The following HRH1 variants were observed in gnomAD, a reference collection of about 807,000 sequenced individuals.
HRH1 encodes the protein histamine H1 receptor.
Under a neutral mutation model 10.3 loss-of-function variants are expected in HRH1, and 6 were observed. The ratio of observed to expected loss-of-function variants is 0.58; its 90% CI spans 0.32 to 1.15. HRH1 has a LOEUF of 1.15. Ranked by LOEUF, HRH1 falls within the 50% of genes most tolerant of loss-of-function variation. The probability of loss-of-function intolerance (pLI) is 0.05; values close to 1 mark genes in which losing one functional copy is unlikely to be tolerated. For missense variants in HRH1, 514 were observed against 615.3 expected (o/e 0.84, Z 1.74); for synonymous variants, 242 against 236.7 (o/e 1.02, Z -0.21).
At chr3:11,144,810 G>A (rs976196499) in intron 1 of HRH1, among the ~76,000 whole-genome samples, 16 of 152,102 alleles carry the variant, frequency 1.1e-4, no homozygotes, top group African/African-American at 3.9e-4. Flanking sequence ...GGCAGAGGTT[G>A]CAGTGAGCCG....
chr3:11,207,492 C>T (rs1198430142), intron 1 of HRH1, among the ~76,000 whole-genome samples: 1 of 152,070 alleles, frequency 6.6e-6, no homozygotes, highest in Non-Finnish European at 1.5e-5. Flanking sequence ...TGGCGTGAAC[C>T]TGGGAGGCGG....
At position 11,233,227 on chromosome 3, in the gene HRH1, A is replaced by T. The variant is rs1186890379; in HGVS notation, c.-35-25776A>T. On this transcript the variant is annotated intron_variant, in intron 1 of 1. Coordinates refer to ENST00000431010, the MANE Select transcript of HRH1 (RefSeq NM_001098212.2). ...TTTCTCATCTCCTTCTGGGACTATG[A>T]TTATATGAATGTTAGATCTTTTGTT... 1.3e-5 allele frequency among the ~76,000 whole-genome samples: 2 copies of T among 152,108 alleles called. 1 individual carries two copies. Among genetic ancestry groups the T allele is most frequent in the Admixed American group, 1.3e-4 (2 of 15,266 alleles).
chr3:11,170,330 C>A (rs936171085), intron 1 of HRH1, among the ~76,000 whole-genome samples: 5 of 152,242 alleles, frequency 3.3e-5, no homozygotes, highest in Admixed American at 2.6e-4. Flanking sequence ...TAAGTCGTTT[C>A]TCTTAGAGAT....
chr3:11,259,956 A>G lies in HRH1; in HGVS notation c.919A>G (p.Ile307Val), dbSNP rs755092707. The G allele has an allele frequency of 1.2e-6, 2 of 1,614,108 alleles. No individual in the cohort carries two copies. Among genetic ancestry groups the G allele is most frequent in the East Asian group, 4.5e-5 (2 of 44,902 alleles). ...CAAACTCTACTGCTTTCCACTTGAT[A>G]TTGTGCACATGCAGGCTGCGGCAGA... ...VDKLYCFPLDIVHMQAAAEGS... is the reference protein window; with the variant it reads ...VDKLYCFPLDVVHMQAAAEGS... The change falls in exon 2 of 2, where the codon ATT (isoleucine) becomes GTT (valine). Residue 307 changes from isoleucine to valine, a missense_variant. By Grantham distance (29) the Ile-to-Val change is conservative. Coordinates refer to ENST00000431010, the MANE Select transcript of HRH1 (RefSeq NM_001098212.2). The surrounding 1 kb of genome is among the most constrained non-coding windows in gnomAD (Gnocchi z 4.6).
At chr3:11,148,878 A>C (rs1936529787) in intron 1 of HRH1, among the ~76,000 whole-genome samples, 1 of 108,628 alleles carries the variant, frequency 9.2e-6, no homozygotes, top group South Asian at 3.0e-4. Context: ...TCACATCATT[A>C]TTTTAGCACT....
chr3:11,234,943 C>T (rs1249298535), intron 1 of HRH1, among the ~76,000 whole-genome samples: 1 of 152,070 alleles, frequency 6.6e-6, no homozygotes, highest in East Asian at 1.9e-4. Flanking sequence ...TGGCCGGGTA[C>T]GGTGGCTCAC....
At chr3:11,224,969 G>A (rs908920838) in intron 1 of HRH1, among the ~76,000 whole-genome samples, 12 of 152,106 alleles carry the variant, frequency 7.9e-5, no homozygotes, top group African/African-American at 2.2e-4. Context: ...CTCTTCAAAG[G>A]CTCTACCCAG....
At chr3:11,188,803 A>G (rs1387353845) in intron 1 of HRH1, among the ~76,000 whole-genome samples, 1 of 152,238 alleles carries the variant, frequency 6.6e-6, no homozygotes, top group East Asian at 1.9e-4. Context: ...TAGAGGATAT[A>G]AAACCAAGAC....
chr3:11,140,543 C>G (rs1471481443), intron 1 of HRH1, among the ~76,000 whole-genome samples: 6 of 152,116 alleles, frequency 3.9e-5, no homozygotes, highest in Non-Finnish European at 8.8e-5. Context: ...CCTCTCAAAC[C>G]CTCCCAGGCA....
At chr3:11,170,299 A>G (rs934100553) in intron 1 of HRH1, among the ~76,000 whole-genome samples, 2 of 152,238 alleles carry the variant, frequency 1.3e-5, no homozygotes, top group African/African-American at 2.4e-5. Context: ...GCAAACCACA[A>G]ACATGCTTTG....
chr3:11,230,262 A>G (rs1939004972), intron 1 of HRH1, among the ~76,000 whole-genome samples: 1 of 152,212 alleles, frequency 6.6e-6, no homozygotes, highest in Non-Finnish European at 1.5e-5. Context: ...CGTGAAGACA[A>G]GAACTTTAAA....
At chr3:11,248,673 A>G (rs983942586) in intron 1 of HRH1, among the ~76,000 whole-genome samples, 1 of 152,252 alleles carries the variant, frequency 6.6e-6, no homozygotes, top group Admixed American at 6.5e-5. Flanking sequence ...TAGGTCTCCA[A>G]GGAATGCTAA....
chr3:11,259,320 C>T lies in HRH1; in HGVS notation c.283C>T (p.Leu95=). ...ILYLLMSKWS[L]GRPLCLFWLS... ...CTACCTGCTCATGTCCAAGTGGTCA[C>T]TGGGCCGTCCTCTCTGCCTCTTTTG... Residue 95 remains leucine (L), a synonymous_variant, in exon 2 of 2, where the codon CTG becomes TTG. Coordinates refer to ENST00000431010, the MANE Select transcript of HRH1 (RefSeq NM_001098212.2). The surrounding 1 kb of genome is among the most constrained non-coding windows in gnomAD (Gnocchi z 4.6). 4.3e-6 allele frequency: 7 copies of T among 1,613,686 alleles called. No homozygotes were observed. The highest frequency in any genetic ancestry group is 1.3e-5 in the African/African-American group (1 of 74,992).
chr3:11,142,955 C>A (rs1280101832), intron 1 of HRH1, among the ~76,000 whole-genome samples: 3 of 151,756 alleles, frequency 2.0e-5, no homozygotes, highest in African/African-American at 7.3e-5. Flanking sequence ...GTGTCCGTGG[C>A]AAGATCTAAG....
intron 1 of HRH1, among the ~76,000 whole-genome samples, chr3:11,170,625 C>T (rs562924029): frequency 6.6e-5 from 10 of 152,290 alleles, no homozygotes; most frequent in Admixed American, 3.3e-4. Context: ...GTCACACAGC[C>T]GGTCAGTGGC....
chr3:11,160,735 C>T (rs1936905614), intron 1 of HRH1, among the ~76,000 whole-genome samples: 1 of 152,182 alleles, frequency 6.6e-6, no homozygotes, highest in Non-Finnish European at 1.5e-5. Flanking sequence ...GGCCTCAGGG[C>T]ACGTAACCTG....
At position 11,259,686 on chromosome 3, in the gene HRH1, G is replaced by T; in HGVS notation, c.649G>T (p.Val217Leu). ...LWFYAKIYKAVRQHCQHRELI... is the reference protein window; with the variant it reads ...LWFYAKIYKALRQHCQHRELI... ...GTTCTATGCCAAGATCTACAAGGCCGTACGACAACACTGCCAGCACCGGGA... is the reference window on the plus strand; with the variant it reads ...GTTCTATGCCAAGATCTACAAGGCCTTACGACAACACTGCCAGCACCGGGA... The change falls in exon 2 of 2, where the codon GTA (valine) becomes TTA (leucine). Residue 217 changes from valine (V) to leucine (L), a missense_variant. Transcript: ENST00000431010. This position sits in a 1 kb window ranked among gnomAD's most constrained non-coding sequence, Gnocchi z 4.6. 6.2e-7 allele frequency: 1 copy of T among 1,614,018 alleles called. No homozygotes were observed. The highest frequency in any genetic ancestry group is 2.2e-5 in the East Asian group (1 of 44,876).
In HRH1 at chr3:11,260,372, C is replaced by G. The variant is rs778860317; in HGVS notation, c.1335C>G (p.Cys445Trp). The G allele has an allele frequency of 6.2e-7, 1 of 1,614,102 alleles. No homozygotes were observed. The highest frequency in any genetic ancestry group is 8.5e-7 in the Non-Finnish European group (1 of 1,180,048). ...FMVIAFCKNC[C>W]NEHLHMFTIW... ...TCATTGCCTTCTGCAAGAACTGTTG[C>G]AATGAACATTTGCACATGTTCACCA... Residue 445 changes from cysteine (C) to tryptophan (W), a missense_variant, in exon 2 of 2, where the codon TGC becomes TGG. Cys to Trp is a radical substitution (Grantham distance 215). Coordinates refer to ENST00000431010, the MANE Select transcript of HRH1 (RefSeq NM_001098212.2).
chr3:11,177,697 A>G (rs1473695515), intron 1 of HRH1, among the ~76,000 whole-genome samples: 1 of 152,212 alleles, frequency 6.6e-6, no homozygotes, highest in Non-Finnish European at 1.5e-5. Context: ...AGTGCCCAAC[A>G]CAGTGCTGGC....
Sources: gnomAD v4.1 joint callset for allele counts (sites outside exome capture counted in the v4.1 genomes callset) on GRCh38, gnomAD v4.1.1 for gene constraint, Gnocchi (gnomAD v3.1) non-coding constraint, MANE v1.5 for transcripts, NCBI Gene and HGNC (gene_info 2026-07-23, HGNC 2026-07-21) for gene names.